Variants in CDK17 observed in about 807,000 individuals in gnomAD.
CDK17 encodes the protein cyclin-dependent kinase 17.
CDK17 carries 24 observed loss-of-function variants against 77.6 expected under a neutral mutation model. The ratio of observed to expected loss-of-function variants is 0.31; its 90% CI spans 0.22 to 0.44. The LOEUF (loss-of-function observed/expected upper bound fraction) is 0.44, where lower values mean the gene tolerates loss of function less well. CDK17 is among the 20% of genes least tolerant of loss of function. CDK17 has a pLI of 1.00. For synonymous variants in CDK17, 203 were observed against 210.4 expected (o/e 0.96, Z 0.30); for missense variants, 429 against 622.5 (o/e 0.69, Z 3.31).
chr12:96,389,148 A>G (rs1391099703), intron 1 of CDK17, among the ~76,000 whole-genome samples: 1 of 145,808 alleles, frequency 6.9e-6, no homozygotes. Context: ...TTTTTTTTTA[A>G]TTTTTTTGTA....
intron 1 of CDK17, among the ~76,000 whole-genome samples, chr12:96,343,885 A>G (rs769750941): frequency 3.9e-5 from 6 of 152,228 alleles, no homozygotes; most frequent in Non-Finnish European, 7.3e-5. Flanking sequence ...GCAGCACAGA[A>G]TTTGGAATTG....
intron 3 of CDK17, among the ~76,000 whole-genome samples, chr12:96,314,692 T>C (rs898152152): frequency 6.6e-6 from 1 of 152,196 alleles, no homozygotes; most frequent in Non-Finnish European, 1.5e-5. Flanking sequence ...AGGAAACAAA[T>C]GCTGGATCTC....
chr12:96,333,170 C>A (rs1952995382), intron 2 of CDK17, among the ~76,000 whole-genome samples: 2 of 151,918 alleles, frequency 1.3e-5, no homozygotes, highest in Admixed American at 6.6e-5. Context: ...ACCAAAAATT[C>A]AATGAGGGGG....
In CDK17 at chr12:96,313,461, C is replaced by G; in HGVS notation, c.284-7G>C. ...AGATTTTCATGAACAATATCTATATCAAAAAATGAGACATTAAAAGAGATA... is the reference window on the plus strand; with the variant it reads ...AGATTTTCATGAACAATATCTATATGAAAAAATGAGACATTAAAAGAGATA... On this transcript the variant is annotated splice_region_variant and splice_polypyrimidine_tract_variant and intron_variant, in intron 3 of 16. Coordinates refer to ENST00000261211, the MANE Select transcript of CDK17 (RefSeq NM_002595.5). 1 of 1,499,816 alleles carries G rather than the reference C, an allele frequency of 6.7e-7. No individual in the cohort carries two copies. Among genetic ancestry groups the G allele is most frequent in the Non-Finnish European group, 9.0e-7 (1 of 1,114,318 alleles). The allele number at this position is 1,499,816 out of a possible 1,614,324, so 92.9% of individuals were successfully genotyped here.
chr12:96,393,972 GTGCA>G (rs1365125156), intron 1 of CDK17, among the ~76,000 whole-genome samples: 1 of 152,050 alleles, frequency 6.6e-6, no homozygotes, highest in Non-Finnish European at 1.5e-5. Context: ...TATAGACCAG[GTGCA>G]GTGGCTCACA....
intron 1 of CDK17, among the ~76,000 whole-genome samples, chr12:96,374,858 G>C (rs1302543202): frequency 6.6e-6 from 1 of 152,162 alleles, no homozygotes; most frequent in Non-Finnish European, 1.5e-5. Flanking sequence ...CATATACTTG[G>C]ATCTACTGTA....
chr12:96,314,921 C>T (rs1436224152), intron 3 of CDK17, among the ~76,000 whole-genome samples: 1 of 152,198 alleles, frequency 6.6e-6, no homozygotes, highest in African/African-American at 2.4e-5. Context: ...ACACAGTTGA[C>T]TACTGTGCCC....
intron 7 of CDK17, 49 bp downstream of exon 7, chr12:96,298,820 C>A: frequency 2.1e-6 from 2 of 959,682 alleles, no homozygotes; most frequent in South Asian, 1.6e-5. Context: ...AAAAAATAGA[C>A]ACTTATTCCA....
rs1245309754 is a variant in CDK17 at position 96,278,393 on chromosome 12, C to G, written c.*1849G>C. On this transcript the variant is annotated 3_prime_UTR_variant, in exon 17 of 17. Coordinates refer to ENST00000261211, the MANE Select transcript of CDK17 (RefSeq NM_002595.5). ...TAATTGAGAGTGCTATAAAAAAAACCCAGCAGAAATTACTAAGCAAATGAT... is the reference window on the plus strand; with the variant it reads ...TAATTGAGAGTGCTATAAAAAAAACGCAGCAGAAATTACTAAGCAAATGAT... 6.6e-6 allele frequency: 1 copy of G among 151,740 alleles called. No individual in the cohort carries two copies. Among genetic ancestry groups the G allele is most frequent in the African/African-American group, 2.4e-5 (1 of 41,314 alleles). The allele number at this position is 151,740 out of a possible 1,614,324, so 9.4% of individuals were successfully genotyped here. A position where few individuals can be genotyped will look rare whatever the true frequency, so the allele number is the denominator to read the frequency against.
chr12:96,375,434 C>T (rs1438864428), intron 1 of CDK17, among the ~76,000 whole-genome samples: 1 of 151,946 alleles, frequency 6.6e-6, no homozygotes, highest in East Asian at 1.9e-4. Context: ...TTCTATGTTT[C>T]CTCCTTAGGC....
chr12:96,297,524 A>C, intron 8 of CDK17, 103 bp downstream of exon 8: 4 of 873,038 alleles, frequency 4.6e-6, no homozygotes, highest in Non-Finnish European at 7.4e-6. Context: ...AATTTAGCTA[A>C]GCACAGCTGC....
chr12:96,393,372 A>AAAAAAAC (rs1954107718), intron 1 of CDK17, among the ~76,000 whole-genome samples: 1 of 151,378 alleles, frequency 6.6e-6, no homozygotes, highest in Non-Finnish European at 1.5e-5. Context: ...AAAAAAAAAA[A>AAAAAAAC]AAAAAAAGCT....
chr12:96,376,157 C>A (rs1418461368), intron 1 of CDK17, among the ~76,000 whole-genome samples: 1 of 152,184 alleles, frequency 6.6e-6, no homozygotes, highest in Non-Finnish European at 1.5e-5. Context: ...ATAAGAGCTA[C>A]AAAAAACTTC....
At chr12:96,365,306 A>G (rs1953566766) in intron 1 of CDK17, among the ~76,000 whole-genome samples, 1 of 152,212 alleles carries the variant, frequency 6.6e-6, no homozygotes, top group Admixed American at 6.5e-5. Flanking sequence ...CTTTACATCC[A>G]TCATTTTATT....
Position 96,300,301 on chromosome 12 carries a change from T to C in CDK17, c.600+3A>G. ...GTCTTACATTTTTGAGATATTTACT[T>C]ACCTCTCCAAGCTTTTCCAATTTGA... On this transcript the variant is annotated splice_donor_region_variant and intron_variant, in intron 6 of 16. Transcript: ENST00000261211. 1 of 1,580,702 alleles carries C rather than the reference T, an allele frequency of 6.3e-7. No homozygotes were observed. The highest frequency in any genetic ancestry group is 8.7e-7 in the Non-Finnish European group (1 of 1,155,664).
intron 1 of CDK17, among the ~76,000 whole-genome samples, chr12:96,395,416 C>A (rs573639044): frequency 2.6e-5 from 4 of 152,024 alleles, no homozygotes; most frequent in Non-Finnish European, 5.9e-5. Context: ...GGTTTGAATG[C>A]CTAAACTGGA....
At chr12:96,366,633 C>T (rs1953587428) in intron 1 of CDK17, among the ~76,000 whole-genome samples, 1 of 152,102 alleles carries the variant, frequency 6.6e-6, no homozygotes, top group Non-Finnish European at 1.5e-5. Flanking sequence ...ACAGTTTGAT[C>T]CTTTTTTATA....
intron 1 of CDK17, among the ~76,000 whole-genome samples, chr12:96,370,548 A>T (rs1023085662): frequency 2.0e-5 from 3 of 152,326 alleles, no homozygotes; most frequent in Admixed American, 1.3e-4. Flanking sequence ...GAGATTCTCC[A>T]AGTATGTGTG....
Position 96,313,520 on chromosome 12 carries a change from T to C in CDK17, c.284-66A>G, listed in dbSNP as rs1052034946. 4.3e-6 allele frequency: 4 copies of C among 929,406 alleles called. No homozygotes were observed. The African/African-American group carries it at 7.0e-5, about 16-fold the overall frequency. The allele number at this position is 929,406 out of a possible 1,614,324, so 57.6% of individuals were successfully genotyped here. Reference sequence around the variant, plus strand: ...TCTAATATATAATTTATTATCACTATGGGTAAAATATAGAAGGCCAACGAG... The same window carrying C: ...TCTAATATATAATTTATTATCACTACGGGTAAAATATAGAAGGCCAACGAG... On this transcript the variant is annotated intron_variant, in intron 3 of 16. Transcript: ENST00000261211.
Sources: allele counts gnomAD v4.1 joint callset (sites outside exome capture counted in the v4.1 genomes callset), GRCh38; gene constraint gnomAD v4.1.1; transcripts MANE v1.5; gene names NCBI Gene and HGNC (gene_info 2026-07-23, HGNC 2026-07-21).